The following RNLS variants were observed in gnomAD, a reference collection of about 807,000 sequenced individuals.
RNLS encodes renalase, FAD dependent amine oxidase, also known as renalase.
RNLS carries 39 observed loss-of-function variants against 39.8 expected under a neutral mutation model. That is an observed-to-expected ratio of 0.98 (90% CI 0.76 to 1.28). The LOEUF (loss-of-function observed/expected upper bound fraction) is 1.28, where lower values mean the gene tolerates loss of function less well. RNLS is among the 50% of genes most tolerant of loss of function. RNLS has a pLI of 0.00. For synonymous variants in RNLS, 147 were observed against 150.7 expected (o/e 0.98, Z 0.18); for missense variants, 410 against 413.3 (o/e 0.99, Z 0.07).
chr10:88,429,987 T>A (rs1855040334), intron 4 of RNLS, among the ~76,000 whole-genome samples: 1 of 151,850 alleles, frequency 6.6e-6, no homozygotes, highest in South Asian at 2.1e-4. Flanking sequence ...GTTTTCCCTA[T>A]TCTAGGTCCT....
At chr10:88,353,539 C>A (rs1395974779) in intron 5 of RNLS, among the ~76,000 whole-genome samples, 2 of 152,158 alleles carry the variant, frequency 1.3e-5, no homozygotes, top group African/African-American at 4.8e-5. Context: ...GTTTCTTAAT[C>A]CTGAGTTCTT....
intron 4 of RNLS, among the ~76,000 whole-genome samples, chr10:88,473,690 T>C (rs913856702): frequency 2.6e-5 from 4 of 152,086 alleles, no homozygotes; most frequent in African/African-American, 9.7e-5. Context: ...TAGAAAATCT[T>C]ATTTAAATTT....
the RNLS span, among the ~76,000 whole-genome samples, chr10:88,197,965 T>C: frequency 1.3e-5 from 2 of 152,232 alleles, no homozygotes; most frequent in African/African-American, 4.8e-5. Flanking sequence ...GTCTGTGGTA[T>C]TTTGCTAACA....
intron 5 of RNLS, among the ~76,000 whole-genome samples, chr10:88,354,075 T>C (rs1354405665): frequency 6.6e-6 from 1 of 152,198 alleles, no homozygotes; most frequent in Non-Finnish European, 1.5e-5. Flanking sequence ...TTGGTAGATC[T>C]TCCTCCATCC....
chr10:88,203,342 A>ACG, the RNLS span, among the ~76,000 whole-genome samples: 36 of 10,630 alleles, frequency 3.4e-3, 9 homozygotes, highest in African/African-American at 8.4e-3. Flanking sequence ...ATATACACGT[A>ACG]TGTGTATATA....
intron 4 of RNLS, among the ~76,000 whole-genome samples, chr10:88,397,706 C>T (rs1052574443): frequency 1.3e-5 from 2 of 151,856 alleles, no homozygotes; most frequent in African/African-American, 4.8e-5. Flanking sequence ...ATCCCTGCTG[C>T]TTTTATTTTG....
At chr10:88,547,335 C>A (rs1848371164) in intron 4 of RNLS, among the ~76,000 whole-genome samples, 2 of 152,224 alleles carry the variant, frequency 1.3e-5, no homozygotes, top group African/African-American at 2.4e-5. Context: ...TGCATGTTAG[C>A]CCTGGTATGC....
chr10:88,284,464 G>A lies in RNLS; in HGVS notation c.*890C>T. On this transcript the variant is annotated 3_prime_UTR_variant, in exon 7 of 7. Transcript: ENST00000331772. Reference sequence around the variant, plus strand: ...CACTGAAGCATGTGGGTGATATGCTGAACCACCAACTTGGCAAATATTGAA... The same window carrying A: ...CACTGAAGCATGTGGGTGATATGCTAAACCACCAACTTGGCAAATATTGAA... The A allele has an allele frequency of 1.0e-6, 1 of 985,300 alleles. No individual in the cohort carries two copies. The highest frequency in any genetic ancestry group is 1.7e-5 in the African/African-American group (1 of 57,324). 61.0% of individuals were successfully genotyped at this position (985,300 alleles called of 1,614,324 possible). A position where few individuals can be genotyped will look rare whatever the true frequency, so the allele number is the denominator to read the frequency against.
chr10:88,546,277 C>G (rs1364806141), intron 4 of RNLS, among the ~76,000 whole-genome samples: 1 of 151,952 alleles, frequency 6.6e-6, no homozygotes, highest in Non-Finnish European at 1.5e-5. Flanking sequence ...TTATATCTAT[C>G]TGATTATAAA....
At chr10:88,522,502 T>C (rs140704083) in intron 4 of RNLS, among the ~76,000 whole-genome samples, 1 of 152,080 alleles carries the variant, frequency 6.6e-6, no homozygotes, top group African/African-American at 2.4e-5. Context: ...AACTGCAGGT[T>C]AAATACAAGC....
chr10:88,489,114 T>C (rs1489936438), intron 4 of RNLS, among the ~76,000 whole-genome samples: 1 of 152,196 alleles, frequency 6.6e-6, no homozygotes, highest in African/African-American at 2.4e-5. Flanking sequence ...GATTTGTTTT[T>C]TCTATACTTT....
intron 4 of RNLS, among the ~76,000 whole-genome samples, chr10:88,510,727 C>T (rs201579758): frequency 1.3e-5 from 2 of 151,454 alleles, no homozygotes; most frequent in East Asian, 3.9e-4. Context: ...GCCTGTAATA[C>T]ACCCAGCTAC....
At chr10:88,311,528 T>A (rs1409511114) in intron 6 of RNLS, among the ~76,000 whole-genome samples, 1 of 152,168 alleles carries the variant, frequency 6.6e-6, no homozygotes. Context: ...TTATTCAAAT[T>A]AAAAATGGGA....
intron 4 of RNLS, among the ~76,000 whole-genome samples, chr10:88,380,155 T>C (rs1017975851): frequency 6.6e-6 from 1 of 152,136 alleles, no homozygotes; most frequent in African/African-American, 2.4e-5. Context: ...TTATTGATCA[T>C]TTGCATTTCT....
intron 4 of RNLS, among the ~76,000 whole-genome samples, chr10:88,571,099 C>CAGCCTTTT: frequency 6.6e-6 from 1 of 151,756 alleles, no homozygotes; most frequent in Middle Eastern, 3.4e-3. Flanking sequence ...TTCCCCGCCT[C>CAGCCTTTT]AGCCTTTTGA....
intron 4 of RNLS, among the ~76,000 whole-genome samples, chr10:88,517,205 T>C (rs1334682715): frequency 6.6e-6 from 1 of 152,002 alleles, no homozygotes; most frequent in East Asian, 1.9e-4. Flanking sequence ...TATGAATTCA[T>C]TGTGCATAAA....
At chr10:88,553,237 G>A (rs983681744) in intron 4 of RNLS, among the ~76,000 whole-genome samples, 4 of 152,150 alleles carry the variant, frequency 2.6e-5, no homozygotes, top group African/African-American at 9.7e-5. Flanking sequence ...AACAAAGCAT[G>A]ACACATAGCA....
At position 88,360,064 on chromosome 10, in the gene RNLS, T is replaced by C. The variant is rs190179142; in HGVS notation, c.700+2488A>G. 3.5e-3 allele frequency among the ~76,000 whole-genome samples: 529 copies of C among 152,362 alleles called. 5 individuals carry two copies. Among genetic ancestry groups the C allele is most frequent in the African/African-American group, 0.011 (457 of 41,584 alleles). ...AAATGTCATGTGGTTTTAAGAAACTTTGAAGGTAATTTTGAATGTACATGA... is the reference window on the plus strand; with the variant it reads ...AAATGTCATGTGGTTTTAAGAAACTCTGAAGGTAATTTTGAATGTACATGA... On this transcript the variant is annotated intron_variant, in intron 5 of 6. Transcript: ENST00000331772.
chr10:88,430,493 C>T (rs1208749362), intron 4 of RNLS, among the ~76,000 whole-genome samples: 2 of 151,694 alleles, frequency 1.3e-5, no homozygotes, highest in African/African-American at 4.8e-5. Flanking sequence ...TCTTTTTCTC[C>T]CTATTGTACT....
Sources: gnomAD v4.1 joint callset for allele counts (sites outside exome capture counted in the v4.1 genomes callset) on GRCh38, gnomAD v4.1.1 for gene constraint, MANE v1.5 for transcripts, NCBI Gene and HGNC (gene_info 2026-07-23, HGNC 2026-07-21) for gene names.